B4GALNT3: variants seen among roughly 807,000 people sequenced by gnomAD.
B4GALNT3 encodes beta-1,4-N-acetylgalactosaminyltransferase 3.
In B4GALNT3, 86 loss-of-function variants were observed where a neutral mutation model predicts 120.2. The observed-to-expected ratio is 0.72, with a 90% CI of 0.60 to 0.86. The LOEUF (loss-of-function observed/expected upper bound fraction) is 0.86. Among genes scored for constraint, B4GALNT3 ranks in the 40% least tolerant of loss-of-function variants. The pLI is 0.00. For synonymous variants in B4GALNT3, 518 were observed against 510.4 expected (o/e 1.01, Z -0.20); for missense variants, 1,167 against 1,298.9 (o/e 0.90, Z 1.56).
At chr12:485,423 G>T (rs566512287) in intron 1 of B4GALNT3, among the ~76,000 whole-genome samples, 1 of 152,370 alleles carries the variant, frequency 6.6e-6, no homozygotes, top group Non-Finnish European at 1.5e-5. Context: ...TCTACTTGGA[G>T]TCTGATTCTA....
At chr12:504,130 A>AG (rs398018198) in intron 1 of B4GALNT3, among the ~76,000 whole-genome samples, 6 of 150,630 alleles carry the variant, frequency 4.0e-5, no homozygotes, top group Non-Finnish European at 8.9e-5. Flanking sequence ...AAAAAAAAAA[A>AG]GTGTTAAAGT....
chr12:520,756 G>A (rs950435130), intron 1 of B4GALNT3, among the ~76,000 whole-genome samples: 6 of 144,392 alleles, frequency 4.2e-5, no homozygotes, highest in African/African-American at 7.7e-5. Flanking sequence ...GTGCCACTGC[G>A]CTCCAGCCTG....
intron 1 of B4GALNT3, among the ~76,000 whole-genome samples, chr12:464,027 G>A (rs1946052220): frequency 6.6e-6 from 1 of 152,226 alleles, no homozygotes; most frequent in Non-Finnish European, 1.5e-5. Flanking sequence ...CTGGAACAGG[G>A]TCCTGACGAG....
intron 1 of B4GALNT3, among the ~76,000 whole-genome samples, chr12:501,051 T>C (rs1013618527): frequency 4.2e-5 from 4 of 95,172 alleles, no homozygotes; most frequent in African/African-American, 2.4e-4. Flanking sequence ...TTTTTGTACT[T>C]TTTGGTAGAG....
chr12:555,243 TC>T (rs1947138764), intron 14 of B4GALNT3: 1 of 401,654 alleles, frequency 2.5e-6, no homozygotes, highest in Non-Finnish European at 5.0e-6. Flanking sequence ...TTCCCATTCC[TC>T]CTCCTACCCC....
intron 1 of B4GALNT3, among the ~76,000 whole-genome samples, chr12:497,879 T>G (rs1328353931): frequency 1.3e-5 from 2 of 152,166 alleles, no homozygotes; most frequent in South Asian, 2.1e-4. Flanking sequence ...AGAAAGTGTT[T>G]TGATTCTTTA....
chr12:500,813 G>A (rs1237473636), intron 1 of B4GALNT3, among the ~76,000 whole-genome samples: 2 of 143,742 alleles, frequency 1.4e-5, no homozygotes, highest in Non-Finnish European at 1.5e-5. Context: ...GGTGCTGTAA[G>A]CATTTTGAAC....
chr12:546,701 C>T lies in B4GALNT3; in HGVS notation c.695C>T (p.Ser232Phe). The change falls in exon 7 of 20, where the codon TCC becomes TTC. Residue 232 changes from serine (S) to phenylalanine (F), a missense_variant. Physicochemically the swap from Ser to Phe is radical, Grantham distance 155 (BLOSUM62 -2). Coordinates refer to ENST00000266383, the MANE Select transcript of B4GALNT3 (RefSeq NM_173593.4). ...GEFGKFRSQI[S>F]KPVSLSASHR... is the part of the protein sequence containing the mutation. ...TTTGGGAAATTTCGGAGCCAAATTTCCAAGCCGGTGAGGTGAGTGAGGGTC... is the reference window on the plus strand; with the variant it reads ...TTTGGGAAATTTCGGAGCCAAATTTTCAAGCCGGTGAGGTGAGTGAGGGTC... 1.3e-6 allele frequency: 2 copies of T among 1,551,478 alleles called. 1 individual carries two copies. Among genetic ancestry groups the T allele is most frequent in the South Asian group, 2.4e-5 (2 of 84,056 alleles).
intron 1 of B4GALNT3, among the ~76,000 whole-genome samples, chr12:466,017 G>A (rs1946075175): frequency 7.1e-6 from 1 of 140,766 alleles, no homozygotes; most frequent in Non-Finnish European, 1.5e-5. Context: ...TCCCTGTCCT[G>A]GGAGTTGAGG....
At chr12:557,495 A>T (rs1947171529) in intron 15 of B4GALNT3, 113 bp from the exon 16 acceptor site, 12 of 1,073,662 alleles carry the variant, frequency 1.1e-5, no homozygotes, top group Non-Finnish European at 1.1e-5. Flanking sequence ...CTGTCCCCTC[A>T]GCCGAGGTCC....
Position 550,216 on chromosome 12 carries a change from G to A in B4GALNT3, c.997+304G>A, listed in dbSNP as rs1404441334. On this transcript the variant is annotated intron_variant, in intron 10 of 19. Coordinates refer to ENST00000266383, the MANE Select transcript of B4GALNT3 (RefSeq NM_173593.4). The surrounding 1 kb of genome is among the most constrained non-coding windows in gnomAD (Gnocchi z 4.1). ...CACACATCCCTTCCCAATCTCACAC[G>A]TCCCCGCCTCTTACTGCATTCCAAC... Among the ~76,000 whole-genome samples, 1 of 152,134 alleles carries A rather than the reference G, an allele frequency of 6.6e-6. No individual in the cohort carries two copies. Among genetic ancestry groups the A allele is most frequent in the Non-Finnish European group, 1.5e-5 (1 of 68,038 alleles).
intron 4 of B4GALNT3, 62 bp from the exon 5 acceptor site, chr12:544,806 TCTTCCCGCCAATCC>T: frequency 6.9e-7 from 1 of 1,449,232 alleles, no homozygotes; most frequent in Admixed American, 1.8e-5. Context: ...CCCCTCCTGG[TCTTCCCGCCAATCC>T]TGGCGGGAAG....
intron 1 of B4GALNT3, among the ~76,000 whole-genome samples, chr12:480,634 G>T (rs527401127): frequency 6.6e-6 from 1 of 152,124 alleles, no homozygotes; most frequent in African/African-American, 2.4e-5. Flanking sequence ...TCGCCTTCTC[G>T]TTCAAGCAGG....
At chr12:558,151 T>G (rs949811429) in intron 17 of B4GALNT3, 63 bp downstream of exon 17, 1 of 1,565,928 alleles carries the variant, frequency 6.4e-7, no homozygotes, top group Non-Finnish European at 8.8e-7. Flanking sequence ...TAGAGAGACA[T>G]TTGGGGTAAA....
In B4GALNT3 at chr12:460,630, A is replaced by G. The variant is rs961112042; in HGVS notation, c.169+85A>G. ...GTTGGGGGGACCCGCCTCTCATCCC[A>G]TCCTCAGACCCGATTTCCCACCCAT... is the stretch of plus-strand genomic sequence containing the variant. On this transcript the variant is annotated intron_variant, in intron 1 of 19. Coordinates refer to ENST00000266383, the MANE Select transcript of B4GALNT3 (RefSeq NM_173593.4). The surrounding 1 kb of genome is among the most constrained non-coding windows in gnomAD (Gnocchi z 8.0). 14 of 1,197,990 alleles carry G rather than the reference A, an allele frequency of 1.2e-5. No homozygotes were observed. The highest frequency in any genetic ancestry group is 3.0e-4 in the Middle Eastern group (1 of 3,312). The allele number at this position is 1,197,990 out of a possible 1,614,324, so 74.2% of individuals were successfully genotyped here.
chr12:514,921 C>G (rs148229090), intron 1 of B4GALNT3, among the ~76,000 whole-genome samples: 2 of 152,006 alleles, frequency 1.3e-5, no homozygotes. Context: ...CCCAGCTACT[C>G]GAGAGGCTGA....
intron 19 of B4GALNT3, among the ~76,000 whole-genome samples, chr12:559,760 G>A (rs1947204750): frequency 6.6e-6 from 1 of 152,128 alleles, no homozygotes; most frequent in Non-Finnish European, 1.5e-5. Flanking sequence ...ATCCTCCCCA[G>A]CCCGAGGGTA....
At chr12:528,765 C>T (rs1197375914) in intron 1 of B4GALNT3, among the ~76,000 whole-genome samples, 9 of 152,206 alleles carry the variant, frequency 5.9e-5, no homozygotes, top group African/African-American at 1.9e-4. Flanking sequence ...AAGGACAGAG[C>T]CACAGCCCCT....
chr12:545,322 G>A (rs778611758), intron 5 of B4GALNT3, 47 bp from the exon 6 acceptor site: 4 of 1,570,448 alleles, frequency 2.5e-6, no homozygotes, highest in Admixed American at 1.9e-5. Context: ...CAGCTTTTAT[G>A]CTGATGCCCT....
Sources: gnomAD v4.1 joint callset for allele counts (sites outside exome capture counted in the v4.1 genomes callset) on GRCh38, gnomAD v4.1.1 for gene constraint, Gnocchi (gnomAD v3.1) non-coding constraint, MANE v1.5 for transcripts, NCBI Gene and HGNC (gene_info 2026-07-23, HGNC 2026-07-21) for gene names.